The following INPP4B variants were observed in gnomAD, a reference collection of about 807,000 sequenced individuals.
INPP4B encodes inositol polyphosphate-4-phosphatase type II B.
In INPP4B, 55 loss-of-function variants were observed where a neutral mutation model predicts 122.5. That is an observed-to-expected ratio of 0.45 (90% CI 0.36 to 0.56). The LOEUF (loss-of-function observed/expected upper bound fraction) is 0.56. Ranked by LOEUF, INPP4B falls within the 20% of genes least tolerant of loss-of-function variation. The pLI is 0.00. For missense variants in INPP4B, 1,000 were observed against 1,097.7 expected (o/e 0.91, Z 1.26); for synonymous variants, 403 against 388.7 (o/e 1.04, Z -0.43).
chr4:142,639,725 G>T (rs1032941562), intron 2 of INPP4B, among the ~76,000 whole-genome samples: 54 of 152,002 alleles, frequency 3.6e-4, no homozygotes, highest in African/African-American at 1.3e-3. Flanking sequence ...GCTACTCCTA[G>T]CTCTTCGTGT....
chr4:142,077,313 T>C (rs1047910320), intron 25 of INPP4B, among the ~76,000 whole-genome samples: 2 of 152,094 alleles, frequency 1.3e-5, no homozygotes, highest in South Asian at 4.1e-4. Flanking sequence ...GGAAGTAACA[T>C]AGTATAAAAC....
At chr4:142,508,571 G>C (rs1455290142) in intron 2 of INPP4B, among the ~76,000 whole-genome samples, 1 of 152,152 alleles carries the variant, frequency 6.6e-6, no homozygotes, top group African/African-American at 2.4e-5. Context: ...ACTGCGCCCG[G>C]CTTACAATAG....
chr4:142,196,670 G>A (rs1838353666), intron 14 of INPP4B, among the ~76,000 whole-genome samples: 1 of 152,144 alleles, frequency 6.6e-6, no homozygotes, highest in South Asian at 2.1e-4. Flanking sequence ...CAATGCAGTA[G>A]TTCACTTTTA....
At chr4:142,831,179 T>G (rs1423443322) in intron 1 of INPP4B, among the ~76,000 whole-genome samples, 1 of 152,194 alleles carries the variant, frequency 6.6e-6, no homozygotes, top group Non-Finnish European at 1.5e-5. Flanking sequence ...TACTCAGCTT[T>G]GATGCCAGTA....
intron 25 of INPP4B, among the ~76,000 whole-genome samples, chr4:142,048,394 C>A (rs1752697488): frequency 6.6e-6 from 1 of 152,044 alleles, no homozygotes; most frequent in East Asian, 1.9e-4. Flanking sequence ...TGAACCTAAA[C>A]AGTTATCAGA....
chr4:142,165,837 A>C (rs1579138427), intron 16 of INPP4B, among the ~76,000 whole-genome samples: 1 of 151,852 alleles, frequency 6.6e-6, no homozygotes, highest in African/African-American at 2.4e-5. Context: ...TGTGTACATA[A>C]CAGTGATGCA....
chr4:142,430,062 C>A (rs1808958063), intron 4 of INPP4B, among the ~76,000 whole-genome samples: 1 of 152,052 alleles, frequency 6.6e-6, no homozygotes, highest in Admixed American at 6.6e-5. Context: ...TTATACAAAT[C>A]CTTTCCTTGC....
In INPP4B at chr4:142,541,903, T is replaced by C. The variant is rs182310236; in HGVS notation, c.-190-79177A>G. On this transcript the variant is annotated intron_variant, in intron 2 of 25. Transcript: ENST00000262992. ...TTCTCCAGGGACCAGCTCGTGAAGA[T>C]CACGATGGCCACCACTACCCACCAC... 5.7e-3 allele frequency among the ~76,000 whole-genome samples: 861 copies of C among 152,286 alleles called. 11 individuals are homozygous for C. Among genetic ancestry groups the C allele is most frequent in the Non-Finnish European group, 8.3e-3 (568 of 68,028 alleles).
At chr4:142,520,772 T>C (rs1239806696) in intron 2 of INPP4B, among the ~76,000 whole-genome samples, 4 of 151,966 alleles carry the variant, frequency 2.6e-5, no homozygotes, top group African/African-American at 9.7e-5. Context: ...ATTATTAAAG[T>C]ATAATTTCTC....
intron 8 of INPP4B, 78 bp from the exon 9 acceptor site, chr4:142,305,615 G>T (rs2627808): frequency 0.72 from 1,090,541 of 1,507,782 alleles, 397,630 homozygotes; most frequent in Non-Finnish European, 0.74. Flanking sequence ...CAAACAAAAT[G>T]AGTCTTTAGA....
intron 1 of INPP4B, among the ~76,000 whole-genome samples, chr4:142,737,093 C>T (rs1463986315): frequency 6.6e-6 from 1 of 152,100 alleles, no homozygotes; most frequent in Non-Finnish European, 1.5e-5. Flanking sequence ...ACTTTCTTCA[C>T]AGAATTGGAA....
chr4:142,540,421 A>T (rs1828804569), intron 2 of INPP4B, among the ~76,000 whole-genome samples: 1 of 151,984 alleles, frequency 6.6e-6, no homozygotes. Flanking sequence ...GAGCTATCAC[A>T]TCTGAAGATT....
At chr4:142,103,128 C>T (rs1785271523) in intron 23 of INPP4B, among the ~76,000 whole-genome samples, 1 of 152,038 alleles carries the variant, frequency 6.6e-6, no homozygotes. Context: ...GTTAATGAGT[C>T]ACAATCATCA....
At chr4:142,647,449 C>T (rs1752020099) in intron 2 of INPP4B, among the ~76,000 whole-genome samples, 2 of 152,076 alleles carry the variant, frequency 1.3e-5, no homozygotes, top group Non-Finnish European at 2.9e-5. Context: ...AAGAAGTATG[C>T]CAACAAAGAG....
intron 12 of INPP4B, among the ~76,000 whole-genome samples, chr4:142,223,209 C>T (rs1850133857): frequency 6.6e-6 from 1 of 151,994 alleles, no homozygotes. Context: ...CACACACACA[C>T]ACACACTCAC....
At chr4:142,159,948 TAA>T (rs1819283345) in intron 17 of INPP4B, among the ~76,000 whole-genome samples, 3 of 152,174 alleles carry the variant, frequency 2.0e-5, no homozygotes, top group Middle Eastern at 3.4e-3. Context: ...TGAATACTTT[TAA>T]AAAGTACTTC....
At chr4:142,121,660 A>G (rs6845623) in intron 21 of INPP4B, among the ~76,000 whole-genome samples, 20,473 of 152,130 alleles carry the variant, frequency 0.13, 1,560 homozygotes, top group East Asian at 0.24. Flanking sequence ...CTGAGAGTGA[A>G]TTGTCAAAAA....
chr4:142,639,293 T>C (rs1749855757), intron 2 of INPP4B, among the ~76,000 whole-genome samples: 1 of 152,220 alleles, frequency 6.6e-6, no homozygotes, highest in South Asian at 2.1e-4. Flanking sequence ...AGTTAGAAAG[T>C]ACTCTGCTTC....
intron 14 of INPP4B, among the ~76,000 whole-genome samples, chr4:142,206,631 G>GT: frequency 6.6e-6 from 1 of 151,878 alleles, no homozygotes; most frequent in Middle Eastern, 3.4e-3. Flanking sequence ...CATTATTGAG[G>GT]TATGATTGAC....
Sources: gnomAD v4.1 joint callset for allele counts (sites outside exome capture counted in the v4.1 genomes callset) on GRCh38, gnomAD v4.1.1 for gene constraint, MANE v1.5 for transcripts, NCBI Gene and HGNC (gene_info 2026-07-23, HGNC 2026-07-21) for gene names.